The following STAMBP variants were observed in gnomAD, a reference collection of about 807,000 sequenced individuals.
STAMBP encodes the protein STAM-binding protein.
A neutral mutation model predicts 50.7 loss-of-function variants in STAMBP; 31 were observed. The ratio of observed to expected loss-of-function variants is 0.61; its 90% CI spans 0.46 to 0.83. The LOEUF (loss-of-function observed/expected upper bound fraction) is 0.83. Ranked by LOEUF, STAMBP falls within the 40% of genes least tolerant of loss-of-function variation. The pLI, the probability that STAMBP is intolerant of heterozygous loss-of-function variation, is 0.00. For missense variants in STAMBP, 472 were observed against 518.9 expected, an observed-to-expected ratio of 0.91 and a Z score of 0.88; for synonymous variants, 211 against 192.4, an observed-to-expected ratio of 1.10 and a Z score of -0.80.
intron 2 of STAMBP, among the ~76,000 whole-genome samples, chr2:73,838,952 T>A (rs929996785): frequency 2.6e-5 from 4 of 152,218 alleles, no homozygotes; most frequent in African/African-American, 9.6e-5. Flanking sequence ...GCTCACTGAT[T>A]CTCAGTCTGT....
rs1319666970 is a variant in STAMBP at position 73,859,274 on chromosome 2, G to A, written c.1026G>A (p.Ala342=). The A allele has an allele frequency of 1.1e-5, 17 of 1,613,440 alleles. No homozygotes were observed. The highest frequency in any genetic ancestry group is 4.0e-5 in the African/African-American group (3 of 74,728). Residue 342 remains alanine (A), a synonymous_variant, in exon 8 of 10, where the codon GCG becomes GCA. Coordinates refer to ENST00000394070, the MANE Select transcript of STAMBP (RefSeq NM_213622.4). The part of the protein sequence containing the change: ...GWIHTHPTQT[A]FLSSVDLHTH... The stretch of plus-strand genomic sequence containing the variant: ...CTCAGACTCACCCCACACAGACCGC[G>A]TTTCTCTCCAGTGTCGACCTACACA...
At chr2:73,871,381 G>A (rs1558610437), downstream of STAMBP, among the ~76,000 whole-genome samples, 1 of 150,246 alleles carries the variant, frequency 6.7e-6, no homozygotes, top group East Asian at 2.0e-4. Context: ...CCGTCTCTAC[G>A]AAAAATACCA....
chr2:73,860,763 T>C (rs1410162355), intron 9 of STAMBP, among the ~76,000 whole-genome samples: 2 of 152,184 alleles, frequency 1.3e-5, no homozygotes, highest in Non-Finnish European at 2.9e-5. Context: ...CATTACTCCA[T>C]GCTGGCCATG....
At chr2:73,844,260 A>G (rs371457036) in intron 2 of STAMBP, among the ~76,000 whole-genome samples, 1 of 152,252 alleles carries the variant, frequency 6.6e-6, no homozygotes, top group Non-Finnish European at 1.5e-5. Context: ...TGCACATACT[A>G]CATGCATAGA....
chr2:73,862,153 A>T, intron 9 of STAMBP, 50 bp from the exon 10 acceptor site: 2 of 1,509,096 alleles, frequency 1.3e-6, no homozygotes, highest in Non-Finnish European at 1.8e-6. Context: ...AAAAAAAAAA[A>T]GACTTTTCAG....
At chr2:73,841,086 T>C (rs1314117847) in intron 2 of STAMBP, among the ~76,000 whole-genome samples, 1 of 152,196 alleles carries the variant, frequency 6.6e-6, no homozygotes. Context: ...CTTTTCTGCT[T>C]ATGTCTTCTT....
At chr2:73,839,968 G>C (rs915607242) in intron 2 of STAMBP, among the ~76,000 whole-genome samples, 6 of 152,166 alleles carry the variant, frequency 3.9e-5, no homozygotes, top group Non-Finnish European at 7.3e-5. Context: ...CTCTTGTCTA[G>C]TCCTTACTCA....
chr2:73,842,070 T>C (rs1258424322), intron 2 of STAMBP, among the ~76,000 whole-genome samples: 2 of 152,248 alleles, frequency 1.3e-5, no homozygotes, highest in African/African-American at 2.4e-5. Context: ...CCTACTCTTA[T>C]CTGTTCTATT....
intron 4 of STAMBP, among the ~76,000 whole-genome samples, chr2:73,846,380 C>T (rs556978671): frequency 2.0e-5 from 3 of 151,842 alleles, no homozygotes; most frequent in African/African-American, 7.3e-5. Context: ...AGTGGGTGAT[C>T]GCTTGAGCCC....
At chr2:73,849,184 T>G (rs1184285556) in intron 5 of STAMBP, among the ~76,000 whole-genome samples, 179 bp from the exon 6 acceptor site, 1 of 152,214 alleles carries the variant, frequency 6.6e-6, no homozygotes, top group African/African-American at 2.4e-5. Flanking sequence ...TGGCCCAAGA[T>G]TGGAGAAGAC....
At chr2:73,860,179 G>A in intron 9 of STAMBP, 28 bp downstream of exon 9, 4 of 1,581,054 alleles carry the variant, frequency 2.5e-6, no homozygotes, top group East Asian at 2.2e-5. Flanking sequence ...AGAAAATGGG[G>A]CTATGCTTCA....
At position 73,849,358 on chromosome 2, in the gene STAMBP, T is replaced by C. The variant is rs753466170; in HGVS notation, c.743-5T>C. 1.7e-5 allele frequency: 27 copies of C among 1,613,758 alleles called. No individual in the cohort carries two copies. The South Asian group carries it at 2.9e-4, about 17-fold the overall frequency. ...TCGCAGACTATTCTCCTTTCTCCTT[T>C]ACAGTTCCCACAATCGATGGATTGC... On this transcript the variant is annotated splice_polypyrimidine_tract_variant and splice_region_variant and intron_variant, in intron 5 of 9. Transcript: ENST00000394070.
intron 2 of STAMBP, among the ~76,000 whole-genome samples, chr2:73,833,180 A>G (rs1573240998): frequency 6.6e-6 from 1 of 152,238 alleles, no homozygotes; most frequent in South Asian, 2.1e-4. Flanking sequence ...TTAGCCTCCA[A>G]TTGGCTGGAG....
intron 7 of STAMBP, among the ~76,000 whole-genome samples, chr2:73,851,510 T>C (rs1046043873): frequency 6.6e-6 from 1 of 152,288 alleles, no homozygotes; most frequent in South Asian, 2.1e-4. Flanking sequence ...AGTAGAATGT[T>C]GGCAAGCTGG....
At chr2:73,868,910 G>A (rs1043927022), downstream of STAMBP, among the ~76,000 whole-genome samples, 1 of 152,112 alleles carries the variant, frequency 6.6e-6, no homozygotes, top group Non-Finnish European at 1.5e-5. Flanking sequence ...AAGAAGCTTC[G>A]TTAACATGAT....
rs1218334610 is a variant in STAMBP at position 73,849,373 on chromosome 2, C to T, written c.753C>T (p.Ile251=). 8 of 1,613,892 alleles carry T rather than the reference C, an allele frequency of 5.0e-6. No homozygotes were observed. Among genetic ancestry groups the T allele is most frequent in the African/African-American group, 1.3e-5 (1 of 74,888 alleles). The change falls in exon 6 of 10, where the codon ATC becomes ATT. Residue 251 remains isoleucine, a synonymous_variant. Transcript: ENST00000394070. ...ALSNSESIPT[I]DGLRHVVVPG... The stretch of plus-strand genomic sequence containing the variant: ...CTTTCTCCTTTACAGTTCCCACAAT[C>T]GATGGATTGCGCCATGTGGTGGTGC...
In STAMBP at chr2:73,850,543, GTC is replaced by G. The variant is rs765040806; in HGVS notation, c.1005+34_1005+35del. ...GCAATTCTGAGCTGTCCGAGAGTTAGTCTCTGCCTCTCCCATGGTGGTATAAA... is the reference window on the plus strand; with the variant it reads ...GCAATTCTGAGCTGTCCGAGAGTTAGTCTGCCTCTCCCATGGTGGTATAAA... On this transcript the variant is annotated intron_variant, in intron 7 of 9. Coordinates refer to ENST00000394070, the MANE Select transcript of STAMBP (RefSeq NM_213622.4). The surrounding 1 kb of genome is among the most constrained non-coding windows in gnomAD (Gnocchi z 4.3). 1 of 1,598,304 alleles carries G rather than the reference GTC, an allele frequency of 6.3e-7. No homozygotes were observed. The highest frequency in any genetic ancestry group is 1.1e-5 in the South Asian group (1 of 88,428).
chr2:73,855,830 G>A (rs796500528), intron 7 of STAMBP, among the ~76,000 whole-genome samples: 2 of 152,324 alleles, frequency 1.3e-5, no homozygotes, highest in African/African-American at 4.8e-5. Context: ...CTTCATGATG[G>A]TTCTTTCTAG....
chr2:73,843,379 T>TA (rs1215271668), intron 2 of STAMBP, among the ~76,000 whole-genome samples: 1 of 145,792 alleles, frequency 6.9e-6, no homozygotes, highest in African/African-American at 2.6e-5. Context: ...TGTGTTTTTT[T>TA]ATGTTTTGTT....
Sources: gnomAD v4.1 joint callset for allele counts (sites outside exome capture counted in the v4.1 genomes callset) on GRCh38, gnomAD v4.1.1 for gene constraint, Gnocchi (gnomAD v3.1) non-coding constraint, MANE v1.5 for transcripts, NCBI Gene and HGNC (gene_info 2026-07-23, HGNC 2026-07-21) for gene names.